The following GRM8 variants were observed in gnomAD, a reference collection of about 807,000 sequenced individuals.
GRM8 encodes glutamate metabotropic receptor 8.
GRM8 carries 47 observed loss-of-function variants against 87.2 expected under a neutral mutation model. The observed-to-expected ratio is 0.54, with a 90% CI of 0.43 to 0.69. The LOEUF is 0.69. Among genes scored for constraint, GRM8 ranks in the 30% least tolerant of loss-of-function variants. The pLI is 0.00. For synonymous variants in GRM8, 396 were observed against 404.5 expected, an observed-to-expected ratio of 0.98 and a Z score of 0.25; for missense variants, 1,019 against 1,139.2, an observed-to-expected ratio of 0.89 and a Z score of 1.52.
intron 7 of GRM8, among the ~76,000 whole-genome samples, chr7:126,683,680 A>C (rs1807864462): frequency 6.6e-6 from 1 of 152,224 alleles, no homozygotes. Context: ...ATATTCAATC[A>C]GGTGTTTAAA....
chr7:126,916,166 TG>T (rs1478533232), intron 3 of GRM8, among the ~76,000 whole-genome samples: 2 of 152,168 alleles, frequency 1.3e-5, no homozygotes, highest in African/African-American at 4.8e-5. Context: ...GAAATCAAAG[TG>T]AGCACTGTTT....
At chr7:127,138,371 C>A (rs760030480) in intron 2 of GRM8, among the ~76,000 whole-genome samples, 24 of 152,102 alleles carry the variant, frequency 1.6e-4, no homozygotes, top group Non-Finnish European at 3.1e-4. Context: ...AGAACCTTTC[C>A]ATTCCCCACA....
intron 7 of GRM8, among the ~76,000 whole-genome samples, chr7:126,723,473 C>T (rs1334164174): frequency 1.3e-5 from 2 of 151,918 alleles, no homozygotes; most frequent in Admixed American, 1.3e-4. Flanking sequence ...ATTAAAGACC[C>T]CCATGGATGC....
chr7:126,818,198 A>G (rs1793971657), intron 6 of GRM8, among the ~76,000 whole-genome samples: 2 of 152,192 alleles, frequency 1.3e-5, no homozygotes, highest in African/African-American at 2.4e-5. Context: ...TATTAGTCAA[A>G]TGTAATATTA....
At chr7:126,730,123 T>C (rs1209252311) in intron 7 of GRM8, among the ~76,000 whole-genome samples, 1 of 152,156 alleles carries the variant, frequency 6.6e-6, no homozygotes, top group African/African-American at 2.4e-5. Context: ...TTTGAGTGTC[T>C]TCTATTCAGA....
chr7:127,025,390 ACT>A (rs1332137509), intron 3 of GRM8, among the ~76,000 whole-genome samples: 1 of 151,716 alleles, frequency 6.6e-6, no homozygotes, highest in African/African-American at 2.4e-5. Context: ...GAAGGAAGAG[ACT>A]CTTTATTTTC....
chr7:126,680,059 G>A (rs778168674), intron 7 of GRM8, among the ~76,000 whole-genome samples: 3 of 150,642 alleles, frequency 2.0e-5, no homozygotes, highest in Non-Finnish European at 4.4e-5. Context: ...AAAAGATGAA[G>A]ATGGAACTTA....
chr7:126,924,180 G>C (rs1804844600), intron 3 of GRM8, among the ~76,000 whole-genome samples: 1 of 152,178 alleles, frequency 6.6e-6, no homozygotes, highest in African/African-American at 2.4e-5. Context: ...CTCACACTGA[G>C]GCCCATGCCT....
chr7:126,549,879 T>G (rs1792385388), intron 8 of GRM8, among the ~76,000 whole-genome samples: 1 of 152,070 alleles, frequency 6.6e-6, no homozygotes. Flanking sequence ...TACAAAAATG[T>G]GAGTAAAGTT....
At chr7:126,882,242 G>A (rs557201241) in intron 6 of GRM8, among the ~76,000 whole-genome samples, 72 of 151,988 alleles carry the variant, frequency 4.7e-4, no homozygotes, top group African/African-American at 1.6e-3. Context: ...ATCTAGCTTC[G>A]CATCTGACAT....
chr7:127,040,522 C>T (rs1441963344), intron 3 of GRM8, among the ~76,000 whole-genome samples: 1 of 151,660 alleles, frequency 6.6e-6, no homozygotes, highest in Non-Finnish European at 1.5e-5. Flanking sequence ...AGAGTAAAAC[C>T]AGTGTAGCCA....
chr7:126,775,835 C>T (rs1025226412), intron 6 of GRM8, among the ~76,000 whole-genome samples: 1 of 152,038 alleles, frequency 6.6e-6, no homozygotes, highest in African/African-American at 2.4e-5. Context: ...GCTGGCATTG[C>T]CACTCTTAGG....
chr7:126,561,333 T>A (rs1231651337), intron 8 of GRM8, among the ~76,000 whole-genome samples: 1 of 151,930 alleles, frequency 6.6e-6, no homozygotes, highest in Non-Finnish European at 1.5e-5. Context: ...TAGCCGGGCG[T>A]GGTGGCTCGT....
intron 9 of GRM8, among the ~76,000 whole-genome samples, chr7:126,497,596 C>A (rs1158700200): frequency 6.6e-6 from 1 of 151,926 alleles, no homozygotes; most frequent in Non-Finnish European, 1.5e-5. Flanking sequence ...GATGTCCTTG[C>A]CCCATTTCTG....
chr7:126,942,253 G>A (rs1198076968), intron 3 of GRM8, among the ~76,000 whole-genome samples: 2 of 152,186 alleles, frequency 1.3e-5, no homozygotes, highest in Non-Finnish European at 2.9e-5. Context: ...GCCCGATAAT[G>A]AAATACTTGC....
At chr7:126,580,976 AC>A (rs1281403386) in intron 8 of GRM8, among the ~76,000 whole-genome samples, 2 of 151,088 alleles carry the variant, frequency 1.3e-5, no homozygotes, top group Non-Finnish European at 3.0e-5. Context: ...AGAAAAAAAA[AC>A]AATTATCCTA....
At chr7:126,468,506 C>A (rs1300110490) in intron 9 of GRM8, among the ~76,000 whole-genome samples, 1 of 152,034 alleles carries the variant, frequency 6.6e-6, no homozygotes, top group Non-Finnish European at 1.5e-5. Context: ...CTTCTCTTAC[C>A]CACATCAACA....
At chr7:126,675,649 C>A (rs1261340334) in intron 7 of GRM8, among the ~76,000 whole-genome samples, 1 of 152,150 alleles carries the variant, frequency 6.6e-6, no homozygotes, top group Non-Finnish European at 1.5e-5. Flanking sequence ...ACCATATGAT[C>A]ATCTCAATAG....
intron 7 of GRM8, among the ~76,000 whole-genome samples, chr7:126,744,147 T>C (rs1322900890): frequency 6.6e-6 from 1 of 152,006 alleles, no homozygotes; most frequent in Non-Finnish European, 1.5e-5. Flanking sequence ...GCACTTCTGT[T>C]CCAGACCAAA....
Sources: allele counts gnomAD v4.1 joint callset (sites outside exome capture counted in the v4.1 genomes callset), GRCh38; gene constraint gnomAD v4.1.1; transcripts MANE v1.5; gene names NCBI Gene and HGNC (gene_info 2026-07-23, HGNC 2026-07-21).